MMEL1: variants seen among roughly 807,000 people sequenced by gnomAD.
MMEL1 encodes the protein membrane metallo-endopeptidase-like 1.
A neutral mutation model predicts 117.1 loss-of-function variants in MMEL1; 98 were observed. That is an observed-to-expected ratio of 0.84 (90% confidence interval 0.71 to 0.99). MMEL1 has a LOEUF of 0.99. Ranked by LOEUF, MMEL1 falls within the 50% of genes least tolerant of loss-of-function variation. The pLI is 0.00. For synonymous variants in MMEL1, 390 were observed against 415.1 expected (o/e 0.94, Z 0.74); for missense variants, 1,014 against 1,049.1 (o/e 0.97, Z 0.46).
chr1:2,606,381 C>T lies in MMEL1; in HGVS notation c.632-15G>A, dbSNP rs760345813. ...CCACTCGAGTCCTGGGGAGACAGTG[C>T]CCCGCACTGGAGACTGGCGGGCCCT... is the stretch of plus-strand genomic sequence containing the variant. On this transcript the variant is annotated splice_polypyrimidine_tract_variant and intron_variant, in intron 7 of 23. Transcript: ENST00000378412. 4.0e-5 allele frequency: 64 copies of T among 1,602,834 alleles called. No homozygotes were observed. The African/African-American group carries it at 5.9e-4, about 15-fold the overall frequency.
chr1:2,609,473 G>C, intron 5 of MMEL1, 54 bp from the exon 6 acceptor site: 1 of 1,567,422 alleles, frequency 6.4e-7, no homozygotes, highest in South Asian at 1.1e-5. Flanking sequence ...CAGGGGCCAG[G>C]TCACAGGTCC....
Position 2,591,610 on chromosome 1 carries a change from G to A in MMEL1, c.2187C>T (p.Pro729=). 9 of 1,613,556 alleles carry A rather than the reference G, an allele frequency of 5.6e-6. No homozygotes were observed. The highest frequency in any genetic ancestry group is 5.5e-5 in the South Asian group (5 of 91,064). The part of the protein sequence containing the change: ...YAQVWCGSYR[P]EFAIQSIKTD... ...TCTTGATGGATTGGATGGCGAACTCGGGCCGGTAGGACCCGCACCACACCT... is the reference window on the plus strand; with the variant it reads ...TCTTGATGGATTGGATGGCGAACTCAGGCCGGTAGGACCCGCACCACACCT... Residue 729 remains proline (P), a synonymous_variant, in exon 23 of 24, where the codon CCC becomes CCT. Transcript: ENST00000378412.
intron 2 of MMEL1, among the ~76,000 whole-genome samples, chr1:2,619,786 A>C (rs960266196): frequency 6.6e-6 from 1 of 152,238 alleles, no homozygotes; most frequent in East Asian, 1.9e-4. Flanking sequence ...AAACAACTAC[A>C]AACCCAAAAG....
intron 2 of MMEL1, among the ~76,000 whole-genome samples, chr1:2,617,885 A>C (rs549622819): frequency 6.6e-6 from 1 of 152,356 alleles, no homozygotes; most frequent in East Asian, 1.9e-4. Flanking sequence ...TTTCTTTTTC[A>C]TAATTCCAAA....
chr1:2,594,001 A>C, intron 18 of MMEL1, 68 bp from the exon 19 acceptor site: 3 of 1,507,038 alleles, frequency 2.0e-6, no homozygotes, highest in Non-Finnish European at 8.9e-7. Context: ...AGGCTCAGGG[A>C]TGGCGCTGCC....
intron 2 of MMEL1, among the ~76,000 whole-genome samples, chr1:2,617,909 C>T (rs1023212397): frequency 1.2e-4 from 19 of 152,236 alleles, no homozygotes; most frequent in Admixed American, 1.2e-3. Flanking sequence ...GGCAGCTTTC[C>T]TGAATACTCA....
intron 1 of MMEL1, among the ~76,000 whole-genome samples, chr1:2,631,795 A>G (rs1638600204): frequency 6.6e-6 from 1 of 152,214 alleles, no homozygotes; most frequent in East Asian, 1.9e-4. Flanking sequence ...ACCCCGCGCC[A>G]GTCCTCAGCC....
At chr1:2,625,699 T>A (rs1638243536) in intron 2 of MMEL1, among the ~76,000 whole-genome samples, 1 of 152,176 alleles carries the variant, frequency 6.6e-6, no homozygotes, top group African/African-American at 2.4e-5. Context: ...GAACTTCCTA[T>A]CATGAACTGG....
At chr1:2,615,224 G>C (rs1407560988) in intron 2 of MMEL1, among the ~76,000 whole-genome samples, 1 of 152,118 alleles carries the variant, frequency 6.6e-6, no homozygotes, top group Non-Finnish European at 1.5e-5. Context: ...CTATGAAAAA[G>C]AAGGGAAAAA....
intron 9 of MMEL1, among the ~76,000 whole-genome samples, chr1:2,605,257 C>T (rs1286655493): frequency 3.9e-5 from 6 of 152,174 alleles, no homozygotes; most frequent in Admixed American, 3.3e-4. Context: ...CCTGGGAATC[C>T]GGTGCTGCAG....
At chr1:2,603,794 C>G (rs1426545012) in intron 11 of MMEL1, 90 bp downstream of exon 11, 1 of 1,170,322 alleles carries the variant, frequency 8.5e-7, no homozygotes. Flanking sequence ...GCTTAAATGC[C>G]AGGCAACGTG....
At chr1:2,605,729 G>C in intron 8 of MMEL1, 106 bp from the exon 9 acceptor site, 1 of 808,626 alleles carries the variant, frequency 1.2e-6, no homozygotes, top group Non-Finnish European at 2.0e-6. Flanking sequence ...CCGTGCACAC[G>C]TGCTCTGCCC....
At chr1:2,603,735 G>A (rs1482759291) in intron 11 of MMEL1, 149 bp downstream of exon 11, 1 of 661,200 alleles carries the variant, frequency 1.5e-6, no homozygotes, top group Admixed American at 2.9e-5. Flanking sequence ...AGCAAGTTTG[G>A]GTGATCAGGT....
At chr1:2,624,277 C>T (rs1341891449) in intron 2 of MMEL1, among the ~76,000 whole-genome samples, 1 of 152,166 alleles carries the variant, frequency 6.6e-6, no homozygotes, top group African/African-American at 2.4e-5. Flanking sequence ...AGGAGAGAAC[C>T]GTCTGGTCCC....
In MMEL1 at chr1:2,606,892, C is replaced by A. The variant is rs1322522474; in HGVS notation, c.631+82G>T. On this transcript the variant is annotated intron_variant, in intron 7 of 23. Coordinates refer to ENST00000378412, the MANE Select transcript of MMEL1 (RefSeq NM_033467.4). ...GCTGGGGGTGGGGGTGGGGTCCCCTCCTGGAAGGCCTCAGACCGAAGGAGC... is the reference window on the plus strand; with the variant it reads ...GCTGGGGGTGGGGGTGGGGTCCCCTACTGGAAGGCCTCAGACCGAAGGAGC... 5 of 1,315,350 alleles carry A rather than the reference C, an allele frequency of 3.8e-6. No individual in the cohort carries two copies. In the Admixed American group the frequency reaches 8.6e-5, roughly 23 times the overall value. The allele number at this position is 1,315,350 out of a possible 1,614,324, so 81.5% of individuals were successfully genotyped here. A position where few individuals can be genotyped will look rare whatever the true frequency, so the allele number is the denominator to read the frequency against.
intron 13 of MMEL1, among the ~76,000 whole-genome samples, chr1:2,597,423 C>T (rs1644860056): frequency 6.6e-6 from 1 of 152,044 alleles, no homozygotes; most frequent in Admixed American, 6.5e-5. Context: ...CCTCCCATTA[C>T]TCTAACAAAG....
rs1252541340 is a variant in MMEL1 at position 2,612,879 on chromosome 1, G to T, written c.155-675C>A. On this transcript the variant is annotated intron_variant, in intron 2 of 23. Coordinates refer to ENST00000378412, the MANE Select transcript of MMEL1 (RefSeq NM_033467.4). The surrounding 1 kb of genome is among the most constrained non-coding windows in gnomAD (Gnocchi z 5.4). ...CCAGAGAGGTGACAAGCCAGGCCTG[G>T]CTACCTTCAGACCTGGCTTGTGGCC... is the stretch of plus-strand genomic sequence containing the variant. 1.3e-5 allele frequency among the ~76,000 whole-genome samples: 2 copies of T among 152,154 alleles called. No homozygotes were observed. The highest frequency in any genetic ancestry group is 2.9e-5 in the Non-Finnish European group (2 of 68,024).
rs1247155465 is a variant in MMEL1, at chr1:2,609,431, G to C, written c.455-12C>G. On this transcript the variant is annotated splice_polypyrimidine_tract_variant and intron_variant, in intron 5 of 23. Transcript: ENST00000378412. ...ATTCTCCAGCACCGCTGTGGGCACAGGAAAAGGTTGGACAGAGGCCTGACG... is the reference window on the plus strand; with the variant it reads ...ATTCTCCAGCACCGCTGTGGGCACACGAAAAGGTTGGACAGAGGCCTGACG... The C allele has an allele frequency of 3.1e-6, 5 of 1,606,354 alleles. No homozygotes were observed. In the East Asian group the frequency reaches 1.1e-4, roughly 36 times the overall value.
chr1:2,605,535 C>A, intron 9 of MMEL1, 23 bp downstream of exon 9: 1 of 1,604,744 alleles, frequency 6.2e-7, no homozygotes, highest in Non-Finnish European at 8.5e-7. Flanking sequence ...GGTCATCTGG[C>A]ATTGCGGTGA....
Sources: gnomAD v4.1 joint callset for allele counts (sites outside exome capture counted in the v4.1 genomes callset) on GRCh38, gnomAD v4.1.1 for gene constraint, Gnocchi (gnomAD v3.1) non-coding constraint, MANE v1.5 for transcripts, NCBI Gene and HGNC (gene_info 2026-07-23, HGNC 2026-07-21) for gene names.